The following TLE5 variants were observed in gnomAD, a reference collection of about 807,000 sequenced individuals.
TLE5 encodes TLE family member 5.
A neutral mutation model predicts 25.8 loss-of-function variants in TLE5; 7 were observed. The observed-to-expected ratio is 0.27, with a 90% CI of 0.15 to 0.51. The LOEUF is 0.51. Ranked by LOEUF, TLE5 falls within the 20% of genes least tolerant of loss-of-function variation. The pLI, the probability that TLE5 is intolerant of heterozygous loss-of-function variation, is 0.97. For missense variants in TLE5, 149 were observed against 250.7 expected (o/e 0.59, Z 2.74); for synonymous variants, 132 against 110.5 (o/e 1.20, Z -1.22).
chr19:3,057,628 G>C (rs2090230922), intron 3 of TLE5, 51 bp downstream of exon 3: 2 of 1,567,842 alleles, frequency 1.3e-6, no homozygotes, highest in Non-Finnish European at 8.8e-7. Context: ...GGGATGTGGA[G>C]GGCCCTGTCG....
intron 3 of TLE5, chr19:3,056,684 T>C (rs919238630): frequency 1.2e-5 from 6 of 520,782 alleles, no homozygotes; most frequent in Non-Finnish European, 1.8e-5. Context: ...GCTCCTAATC[T>C]TGTATCTTTC....
In TLE5 at chr19:3,059,135, C is replaced by T. The variant is rs1346986510; in HGVS notation, c.126-1393G>A. Among the ~76,000 whole-genome samples the T allele has an allele frequency of 2.1e-4, 32 of 152,004 alleles. 1 individual carries two copies. Among genetic ancestry groups the T allele is most frequent in the Non-Finnish European group, 4.4e-5 (3 of 68,000 alleles). On this transcript the variant is annotated intron_variant, in intron 2 of 6. Transcript: ENST00000327141. Reference sequence around the variant, plus strand: ...TTTGCTCCACCGGAGAAGAGTGTGCCGGGTTAGGGATGCTTTGGCCGCCAC... The same window carrying T: ...TTTGCTCCACCGGAGAAGAGTGTGCTGGGTTAGGGATGCTTTGGCCGCCAC...
Position 3,053,845 on chromosome 19 carries a change from C to G in TLE5, c.568G>C (p.Glu190Gln), listed in dbSNP as rs921308106. The change falls in exon 7 of 7, where the codon GAG becomes CAG. Residue 190 changes from glutamate to glutamine, a missense_variant. Coordinates refer to ENST00000327141, the MANE Select transcript of TLE5 (RefSeq NM_001130.6). Reference sequence around the variant, plus strand: ...TAATCCGACTTCTCGCCATCATCCTCCTGGTGGGTGTCACCATCGTGCCCG... The same window carrying G: ...TAATCCGACTTCTCGCCATCATCCTGCTGGTGGGTGTCACCATCGTGCCCG... ...KNGHDGDTHQ[E>Q]DDGEKSD is the part of the protein sequence containing the mutation. 3.7e-6 allele frequency: 6 copies of G among 1,613,238 alleles called. No homozygotes were observed. In the Admixed American group the frequency reaches 8.3e-5, roughly 22 times the overall value.
Position 3,057,662 on chromosome 19 carries a change from GGGC to G in TLE5, c.189+14_189+16del. 1 of 1,612,814 alleles carries G rather than the reference GGGC, an allele frequency of 6.2e-7. No individual in the cohort carries two copies. The highest frequency in any genetic ancestry group is 1.1e-5 in the South Asian group (1 of 91,072). On this transcript the variant is annotated intron_variant, in intron 3 of 6. Transcript: ENST00000327141. ...CGCCCGCCCCCAACACTGGACCTGG[GGGC>G]GGAGTGACGTTACCATCACATAGTG... is the stretch of plus-strand genomic sequence containing the variant.
intron 1 of TLE5, 80 bp downstream of exon 1, chr19:3,062,094 G>T: frequency 1.4e-6 from 1 of 728,926 alleles, no homozygotes; most frequent in South Asian, 6.2e-5. Context: ...GGGTTGGGGG[G>T]CGCGGGGCCG....
At chr19:3,058,248 G>C (rs1219801025) in intron 2 of TLE5, among the ~76,000 whole-genome samples, 1 of 152,108 alleles carries the variant, frequency 6.6e-6, no homozygotes, top group African/African-American at 2.4e-5. Flanking sequence ...GCACGGTAAC[G>C]CTAGCTCTGA....
chr19:3,061,586 G>C (rs1331229009), intron 1 of TLE5, among the ~76,000 whole-genome samples: 1 of 151,882 alleles, frequency 6.6e-6, no homozygotes, highest in Admixed American at 6.5e-5. Flanking sequence ...ACATCCGAGG[G>C]GGGTAGAAAC....
chr19:3,062,218 G>C lies in TLE5; in HGVS notation c.-18C>G, dbSNP rs2090277535. On this transcript the variant is annotated 5_prime_UTR_variant, in exon 1 of 7. Transcript: ENST00000327141. The stretch of plus-strand genomic sequence containing the variant: ...AACATCATGTCAATCGCGGCGGGGG[G>C]CGCGGGCTGCGCCCCGGCTGTGCGC... 2.7e-6 allele frequency: 3 copies of C among 1,123,104 alleles called. No individual in the cohort carries two copies. Among genetic ancestry groups the C allele is most frequent in the Non-Finnish European group, 3.3e-6 (3 of 916,942 alleles). 69.6% of individuals were successfully genotyped at this position (1,123,104 alleles called of 1,614,324 possible).
At chr19:3,060,965 T>C in intron 2 of TLE5, 195 bp downstream of exon 2, 1 of 431,544 alleles carries the variant, frequency 2.3e-6, no homozygotes, top group South Asian at 3.0e-5. Context: ...TATTTAACTA[T>C]TTTTGTGCCT....
At chr19:3,061,485 C>A (rs1278680020) in intron 1 of TLE5, 15 of 346,874 alleles carry the variant, frequency 4.3e-5, no homozygotes, top group Non-Finnish European at 6.9e-5. Flanking sequence ...CCCCCGCCAC[C>A]CCCAGGCAGT....
chr19:3,059,393 A>G (rs2090246072), intron 2 of TLE5, among the ~76,000 whole-genome samples: 5 of 152,104 alleles, frequency 3.3e-5, no homozygotes, highest in South Asian at 2.1e-4. Flanking sequence ...GTGGTGGTGC[A>G]CGCCTGTAAT....
chr19:3,057,693 G>A lies in TLE5; in HGVS notation c.175C>T (p.Arg59Cys). The A allele has an allele frequency of 1.2e-6, 2 of 1,613,586 alleles. No homozygotes were observed. The highest frequency in any genetic ancestry group is 8.5e-7 in the Non-Finnish European group (1 of 1,179,918). ...AGTGACGTTACCATCACATAGTGACGCTGCATCTCTGACTTCTCACTGGCC... is the reference window on the plus strand; with the variant it reads ...AGTGACGTTACCATCACATAGTGACACTGCATCTCTGACTTCTCACTGGCC... The part of the protein sequence containing the change: ...KLASEKSEMQ[R>C]HYVMYYEMSY... The change falls in exon 3 of 7, where the codon CGT becomes TGT. Residue 59 changes from arginine (R) to cysteine (C), a missense_variant. Arg to Cys is a radical substitution (Grantham distance 180). Coordinates refer to ENST00000327141, the MANE Select transcript of TLE5 (RefSeq NM_001130.6).
chr19:3,057,663 G>A lies in TLE5; in HGVS notation c.189+16C>T. On this transcript the variant is annotated intron_variant, in intron 3 of 6. Transcript: ENST00000327141. ...GCCCGCCCCCAACACTGGACCTGGGGGCGGAGTGACGTTACCATCACATAG... is the reference window on the plus strand; with the variant it reads ...GCCCGCCCCCAACACTGGACCTGGGAGCGGAGTGACGTTACCATCACATAG... 6.2e-7 allele frequency: 1 copy of A among 1,612,888 alleles called. No homozygotes were observed. Among genetic ancestry groups the A allele is most frequent in the Non-Finnish European group, 8.5e-7 (1 of 1,179,508 alleles).
At chr19:3,054,077 G>T (rs780521347) in intron 6 of TLE5, 37 bp from the exon 7 acceptor site, 5 of 1,560,940 alleles carry the variant, frequency 3.2e-6, no homozygotes, top group Admixed American at 1.9e-5. Flanking sequence ...GCTGCCTGGG[G>T]CCCACCTGTC....
chr19:3,062,739 G>A (rs1401996075), upstream of TLE5: 50 of 1,542,802 alleles, frequency 3.2e-5, no homozygotes, highest in Admixed American at 1.0e-3. Context: ...ATCTGTCAAA[G>A]AAAAGGGACC....
rs990199468 is a variant in TLE5, at chr19:3,060,328, C to CTTTTTTTTTTTTTTTTTTTT, written c.125+812_125+831dup. 2.1e-4 allele frequency among the ~76,000 whole-genome samples: 20 copies of CTTTTTTTTTTTTTTTTTTTT among 93,216 alleles called. 1 individual carries two copies. The highest frequency in any genetic ancestry group is 8.3e-4 in the African/African-American group (19 of 22,970). The allele number at this position is 93,216 out of a possible 152,430, so 61.2% of individuals were successfully genotyped here. A position where few individuals can be genotyped will look rare whatever the true frequency, so the allele number is the denominator to read the frequency against. On this transcript the variant is annotated intron_variant, in intron 2 of 6. Coordinates refer to ENST00000327141, the MANE Select transcript of TLE5 (RefSeq NM_001130.6). ...TGGGCTTAAGTTTCTTTTTTTCTTT[C>CTTTTTTTTTTTTTTTTTTTT]TTTTTTTTTTTTTTTTTTTTTTTTG...
Position 3,057,671 on chromosome 19 carries a change from G to GACGTT in TLE5, c.189+3_189+7dup. The GACGTT allele has an allele frequency of 6.2e-7, 1 of 1,613,186 alleles. No homozygotes were observed. On this transcript the variant is annotated splice_region_variant and intron_variant, in intron 3 of 6. Transcript: ENST00000327141. ...CCAACACTGGACCTGGGGGCGGAGTGACGTTACCATCACATAGTGACGCTG... is the reference window on the plus strand; with the variant it reads ...CCAACACTGGACCTGGGGGCGGAGTGACGTTACGTTACCATCACATAGTGACGCTG...
intron 6 of TLE5, 30 bp downstream of exon 6, chr19:3,054,090 C>CG (rs2090197562): frequency 1.3e-6 from 1 of 769,122 alleles, no homozygotes; most frequent in Non-Finnish European, 2.0e-6. Flanking sequence ...CACCTGTCCC[C>CG]CGCCCACCCG....
Position 3,062,315 on chromosome 19 carries a change from C to G in TLE5, c.-115G>C. 2.0e-6 allele frequency: 2 copies of G among 979,120 alleles called. No individual in the cohort carries two copies. Among genetic ancestry groups the G allele is most frequent in the Non-Finnish European group, 2.4e-6 (2 of 827,210 alleles). The allele number at this position is 979,120 out of a possible 1,614,324, so 60.7% of individuals were successfully genotyped here. On this transcript the variant is annotated 5_prime_UTR_variant, in exon 1 of 7. Transcript: ENST00000327141. The stretch of plus-strand genomic sequence containing the variant: ...GGCGCCGATCGGCAGCTCCCGGGGC[C>G]GCCGCCGCCTCCCGCGCCCGGCCTC...
Sources: gnomAD v4.1 joint callset for allele counts (sites outside exome capture counted in the v4.1 genomes callset) on GRCh38, gnomAD v4.1.1 for gene constraint, MANE v1.5 for transcripts, NCBI Gene and HGNC (gene_info 2026-07-23, HGNC 2026-07-21) for gene names.